The following KIAA0513 variants were observed in gnomAD, a reference collection of about 807,000 sequenced individuals.
KIAA0513 encodes KIAA0513, also known as uncharacterized protein KIAA0513.
Under a neutral mutation model 56.5 loss-of-function variants are expected in KIAA0513, and 39 were observed. The ratio of observed to expected loss-of-function variants is 0.69; its 90% CI spans 0.53 to 0.90. The LOEUF is 0.90. KIAA0513 is among the 40% of genes least tolerant of loss of function. KIAA0513 has a pLI of 0.00. For synonymous variants in KIAA0513, 268 were observed against 215.6 expected, an observed-to-expected ratio of 1.24 and a Z score of -2.13; for missense variants, 591 against 535.2, an observed-to-expected ratio of 1.10 and a Z score of -1.03.
intron 1 of KIAA0513, among the ~76,000 whole-genome samples, chr16:85,047,869 T>C (rs189434285): frequency 2.0e-5 from 3 of 152,316 alleles, no homozygotes; most frequent in Non-Finnish European, 4.4e-5. Context: ...GCACTTCAAA[T>C]TCTGGTCTTC....
At chr16:85,037,620 C>T (rs1451016606) in intron 1 of KIAA0513, among the ~76,000 whole-genome samples, 1 of 152,178 alleles carries the variant, frequency 6.6e-6, no homozygotes, top group Non-Finnish European at 1.5e-5. Flanking sequence ...CTAGTCTAAT[C>T]CGCACTCTAT....
chr16:85,069,292 C>A (rs1447711625), intron 2 of KIAA0513, among the ~76,000 whole-genome samples: 1 of 151,762 alleles, frequency 6.6e-6, no homozygotes, highest in Non-Finnish European at 1.5e-5. Flanking sequence ...CTCACCACAG[C>A]CTCAAACTTC....
chr16:85,040,065 C>G (rs191377957), intron 1 of KIAA0513, among the ~76,000 whole-genome samples: 1 of 151,986 alleles, frequency 6.6e-6, no homozygotes, highest in Non-Finnish European at 1.5e-5. Context: ...AACTCCTGAC[C>G]TCAGGTGATC....
At chr16:85,057,355 A>G (rs188861889) in intron 1 of KIAA0513, among the ~76,000 whole-genome samples, 5 of 152,286 alleles carry the variant, frequency 3.3e-5, no homozygotes, top group Non-Finnish European at 7.4e-5. Flanking sequence ...TCTTCCTTAA[A>G]CTGTTTCTCC....
chr16:85,075,983 A>C (rs2073650442), intron 5 of KIAA0513, 69 bp downstream of exon 5: 1 of 1,268,552 alleles, frequency 7.9e-7, no homozygotes, highest in Non-Finnish European at 1.2e-6. Flanking sequence ...TGTCAGAGGA[A>C]GCTTTCTTCA....
chr16:85,064,864 T>C, intron 1 of KIAA0513, among the ~76,000 whole-genome samples: 1 of 151,982 alleles, frequency 6.6e-6, no homozygotes, highest in East Asian at 1.9e-4. Context: ...TTTGTATTTG[T>C]AGTAGAGATG....
intron 1 of KIAA0513, among the ~76,000 whole-genome samples, chr16:85,047,735 T>C (rs576298781): frequency 6.6e-6 from 1 of 152,238 alleles, no homozygotes; most frequent in South Asian, 2.1e-4. Flanking sequence ...CCCTTTCCTG[T>C]TACTAGATGC....
chr16:85,052,785 C>G (rs1273306714), intron 1 of KIAA0513, among the ~76,000 whole-genome samples: 1 of 152,198 alleles, frequency 6.6e-6, no homozygotes, highest in Non-Finnish European at 1.5e-5. Flanking sequence ...TCAGAGTTTG[C>G]TGTTTTCATT....
chr16:85,091,527 C>T lies in KIAA0513; in HGVS notation c.*3202C>T, dbSNP rs990722730. On this transcript the variant is annotated 3_prime_UTR_variant, in exon 13 of 13. Transcript: ENST00000683363. ...GAGAGTCCAGTTTCTGAGCTCTGTA[C>T]CCAAATTAAAATCCTGATGTTCAGG... is the stretch of plus-strand genomic sequence containing the variant. The T allele has an allele frequency of 1.3e-5, 2 of 152,146 alleles. No homozygotes were observed. The highest frequency in any genetic ancestry group is 2.9e-5 in the Non-Finnish European group (2 of 68,020). 9.4% of individuals were successfully genotyped at this position (152,146 alleles called of 1,614,324 possible). A position where few individuals can be genotyped will look rare whatever the true frequency, so the allele number is the denominator to read the frequency against.
At chr16:85,046,535 A>G (rs2073173576) in intron 1 of KIAA0513, among the ~76,000 whole-genome samples, 1 of 152,232 alleles carries the variant, frequency 6.6e-6, no homozygotes, top group South Asian at 2.1e-4. Flanking sequence ...CATTCTCACA[A>G]GAAAGAATCC....
At position 85,031,771 on chromosome 16, in the gene KIAA0513, C is replaced by G. The variant is rs150600520; in HGVS notation, c.-173+3913C>G. Among the ~76,000 whole-genome samples the G allele has an allele frequency of 4.4e-3, 669 of 152,306 alleles. 5 individuals are homozygous for G. The highest frequency in any genetic ancestry group is 0.014 in the African/African-American group (602 of 41,560). ...ATATCACATCCTTAGTGAGACCTTC[C>G]CTAATAGTCAAAATAATGTTCCTTT... On this transcript the variant is annotated intron_variant, in intron 1 of 12. Coordinates refer to ENST00000683363, the MANE Select transcript of KIAA0513 (RefSeq NM_001388359.1).
chr16:85,034,343 G>A (rs908901730), intron 1 of KIAA0513, among the ~76,000 whole-genome samples: 8 of 152,138 alleles, frequency 5.3e-5, no homozygotes, highest in African/African-American at 1.4e-4. Context: ...TCACACCATT[G>A]AACTCCAGTC....
chr16:85,048,938 G>T (rs561165335), intron 1 of KIAA0513, among the ~76,000 whole-genome samples: 1 of 152,312 alleles, frequency 6.6e-6, no homozygotes, highest in African/African-American at 2.4e-5. Context: ...GAGTGTGGTG[G>T]AAATTAAGAA....
At chr16:85,054,934 T>C (rs1470256858) in intron 1 of KIAA0513, among the ~76,000 whole-genome samples, 2 of 152,194 alleles carry the variant, frequency 1.3e-5, no homozygotes, top group African/African-American at 4.8e-5. Context: ...TATTTCATTT[T>C]ATTTTTGAGG....
At chr16:85,065,371 C>G (rs28702920) in intron 1 of KIAA0513, among the ~76,000 whole-genome samples, 10,937 of 152,302 alleles carry the variant, frequency 0.072, 1,292 homozygotes, top group African/African-American at 0.24. Flanking sequence ...GCCTTTTGAG[C>G]TCATCAGAGT....
chr16:85,059,268 T>C (rs2143966988), intron 1 of KIAA0513, among the ~76,000 whole-genome samples: 1 of 152,096 alleles, frequency 6.6e-6, no homozygotes, highest in Non-Finnish European at 1.5e-5. Context: ...CCAGTATTGC[T>C]GTGTTTCCCT....
chr16:85,067,939 T>G (rs530820427), intron 2 of KIAA0513, among the ~76,000 whole-genome samples: 3 of 151,494 alleles, frequency 2.0e-5, no homozygotes, highest in Admixed American at 6.6e-5. Context: ...GCCTCCCGAG[T>G]AGCTGGGACT....
intron 5 of KIAA0513, 62 bp downstream of exon 5, chr16:85,075,976 C>A: frequency 1.5e-6 from 2 of 1,303,292 alleles, no homozygotes; most frequent in South Asian, 2.4e-5. Context: ...AATATGGTGT[C>A]AGAGGAAGCT....
chr16:85,045,137 T>C (rs947887848), intron 1 of KIAA0513, among the ~76,000 whole-genome samples: 1 of 146,730 alleles, frequency 6.8e-6, no homozygotes, highest in African/African-American at 2.6e-5. Context: ...AAATAATAAA[T>C]GACAAAAAAA....
Sources: gnomAD v4.1 joint callset for allele counts (sites outside exome capture counted in the v4.1 genomes callset) on GRCh38, gnomAD v4.1.1 for gene constraint, MANE v1.5 for transcripts, NCBI Gene and HGNC (gene_info 2026-07-23, HGNC 2026-07-21) for gene names.